GPR89B: variants seen among roughly 807,000 people sequenced by gnomAD.
The protein encoded by GPR89B is G protein-coupled receptor 89B.
A neutral mutation model predicts 52.4 loss-of-function variants in GPR89B; 25 were observed. The ratio of observed to expected loss-of-function variants is 0.48; its 90% CI spans 0.35 to 0.67. GPR89B has a LOEUF of 0.67. Ranked by LOEUF, GPR89B falls within the 30% of genes least tolerant of loss-of-function variation. The pLI, the probability that GPR89B is intolerant of heterozygous loss-of-function variation, is 0.01. For missense variants in GPR89B, 146 were observed against 450.2 expected, an observed-to-expected ratio of 0.32 and a Z score of 6.11; for synonymous variants, 52 against 151.2, an observed-to-expected ratio of 0.34 and a Z score of 4.81.
intron 5 of GPR89B, among the ~76,000 whole-genome samples, chr1:147,949,597 G>GACC (rs1553250505): frequency 7.3e-6 from 1 of 136,218 alleles, no homozygotes; most frequent in African/African-American, 3.0e-5. Flanking sequence ...CTCCCTCCAG[G>GACC]ACCGGGCAGC....
chr1:147,949,408 T>A, intron 5 of GPR89B, among the ~76,000 whole-genome samples: 1 of 119,772 alleles, frequency 8.3e-6, no homozygotes, highest in Non-Finnish European at 1.7e-5. Context: ...CCCACCTCCC[T>A]CCCGGACGGG....
At chr1:147,948,735 G>A (rs1655219053) in intron 5 of GPR89B, among the ~76,000 whole-genome samples, 1 of 151,350 alleles carries the variant, frequency 6.6e-6, no homozygotes, top group African/African-American at 2.4e-5. Context: ...ATGGTGTTGT[G>A]GAAGCCAAGA....
intron 9 of GPR89B, 139 bp downstream of exon 9, chr1:147,969,102 T>A: frequency 3.2e-6 from 2 of 631,588 alleles, no homozygotes; most frequent in Non-Finnish European, 5.4e-6. Flanking sequence ...GCATTAGGGA[T>A]AAGGGATCTT....
At chr1:148,000,809 A>G in the GPR89B span, among the ~76,000 whole-genome samples, 23 of 150,242 alleles carry the variant, frequency 1.5e-4, no homozygotes, top group East Asian at 2.7e-3. Flanking sequence ...CAACAAAAAA[A>G]CCTTAAAACA....
At chr1:148,005,526 G>T in the GPR89B span, 1 of 1,602,692 alleles carries the variant, frequency 6.2e-7, no homozygotes, top group Non-Finnish European at 8.5e-7. Context: ...GAGAGTAGGG[G>T]TAAACTCCAT....
intron 5 of GPR89B, among the ~76,000 whole-genome samples, chr1:147,949,801 A>G (rs1655418206): frequency 7.4e-6 from 1 of 134,668 alleles, no homozygotes; most frequent in Non-Finnish European, 1.6e-5. Flanking sequence ...CAGGGGGCTG[A>G]CCCCCCGACC....
chr1:147,998,426 C>T (rs1659365817), downstream of GPR89B, among the ~76,000 whole-genome samples: 5 of 147,586 alleles, frequency 3.4e-5, no homozygotes, highest in Admixed American at 3.4e-4. Context: ...CATATACTTG[C>T]AACAGTTCCA....
At chr1:147,938,633 C>G in intron 2 of GPR89B, 81 bp from the exon 3 acceptor site, 1 of 1,608,388 alleles carries the variant, frequency 6.2e-7, no homozygotes, top group Non-Finnish European at 8.5e-7. Flanking sequence ...AATAAGTTTT[C>G]TGCCTTGTAA....
At chr1:147,947,009 C>T (rs1288712309) in intron 5 of GPR89B, among the ~76,000 whole-genome samples, 1 of 152,014 alleles carries the variant, frequency 6.6e-6, no homozygotes, top group Non-Finnish European at 1.5e-5. Context: ...ACTGTCCCAA[C>T]AACCAGTATG....
intron 1 of GPR89B, among the ~76,000 whole-genome samples, chr1:147,930,113 G>A (rs1653435832): frequency 6.6e-6 from 1 of 152,252 alleles, no homozygotes; most frequent in Non-Finnish European, 1.5e-5. Flanking sequence ...AACCAAGGAA[G>A]TGGCTTTCTA....
intron 7 of GPR89B, among the ~76,000 whole-genome samples, chr1:147,959,584 A>G (rs1174950093): frequency 6.6e-6 from 1 of 152,094 alleles, no homozygotes; most frequent in East Asian, 1.9e-4. Context: ...CAGATTGGTA[A>G]GAGTTTAAAT....
chr1:147,956,656 C>T (rs1368785049), intron 7 of GPR89B, among the ~76,000 whole-genome samples: 107 of 151,742 alleles, frequency 7.1e-4, no homozygotes, highest in Non-Finnish European at 1.3e-3. Context: ...AAATTGAAGA[C>T]GACACAAATA....
intron 10 of GPR89B, among the ~76,000 whole-genome samples, chr1:147,971,911 G>A (rs1657502791): frequency 6.6e-6 from 1 of 151,492 alleles, no homozygotes; most frequent in African/African-American, 2.4e-5. Context: ...TCAAGACAGA[G>A]AACACATCCA....
At chr1:147,980,085 C>CA (rs1359509482) in intron 10 of GPR89B, among the ~76,000 whole-genome samples, 5,511 of 113,948 alleles carry the variant, frequency 0.048, 102 homozygotes, top group African/African-American at 0.068. Flanking sequence ...GACTCTGTCT[C>CA]AAAAAAAAAA....
chr1:147,989,273 A>G (rs1383945952), intron 12 of GPR89B, among the ~76,000 whole-genome samples: 1 of 152,136 alleles, frequency 6.6e-6, no homozygotes, highest in African/African-American at 2.4e-5. Context: ...AAGCAAAACT[A>G]TATACCAAGT....
chr1:147,990,874 A>C (rs1374189931), intron 12 of GPR89B, among the ~76,000 whole-genome samples: 3 of 151,612 alleles, frequency 2.0e-5, no homozygotes, highest in East Asian at 3.9e-4. Context: ...GCTTGAAGTC[A>C]GGTAGCGTGA....
intron 10 of GPR89B, among the ~76,000 whole-genome samples, chr1:147,982,997 G>C (rs1182151791): frequency 6.6e-6 from 1 of 152,030 alleles, no homozygotes; most frequent in Non-Finnish European, 1.5e-5. Flanking sequence ...CATTGGCACC[G>C]AACAGAGCCC....
the GPR89B span, among the ~76,000 whole-genome samples, chr1:148,019,717 C>A: frequency 6.6e-6 from 1 of 151,946 alleles, no homozygotes; most frequent in Non-Finnish European, 1.5e-5. Context: ...CAAAAGTAAA[C>A]AGCAAAAGAA....
chr1:147,968,365 C>T, intron 8 of GPR89B: 1 of 453,738 alleles, frequency 2.2e-6, no homozygotes, highest in Non-Finnish European at 4.4e-6. Flanking sequence ...TGGATAACAC[C>T]ATGGCATAAG....
Sources: gnomAD v4.1 joint callset for allele counts (sites outside exome capture counted in the v4.1 genomes callset) on GRCh38, gnomAD v4.1.1 for gene constraint, MANE v1.5 for transcripts, NCBI Gene and HGNC (gene_info 2026-07-23, HGNC 2026-07-21) for gene names.